UNC13B: variants seen among roughly 807,000 people sequenced by gnomAD.
The protein encoded by UNC13B is unc-13 homolog B.
UNC13B carries 144 observed loss-of-function variants against 211.0 expected under a neutral mutation model. That is an observed-to-expected ratio of 0.68 (90% CI 0.60 to 0.78). The LOEUF is 0.78. UNC13B is among the 30% of genes least tolerant of loss of function. The probability of loss-of-function intolerance (pLI) is 0.00; values close to 1 mark genes in which losing one functional copy is unlikely to be tolerated. For synonymous variants in UNC13B, 709 were observed against 725.8 expected, an observed-to-expected ratio of 0.98 and a Z score of 0.37; for missense variants, 1,777 against 2,002.0, an observed-to-expected ratio of 0.89 and a Z score of 2.14.
intron 1 of UNC13B, among the ~76,000 whole-genome samples, chr9:35,211,400 A>C (rs1272663273): frequency 6.6e-6 from 1 of 152,118 alleles, no homozygotes; most frequent in East Asian, 1.9e-4. Context: ...TTTTACATTC[A>C]TGTATTTTGG....
intron 11 of UNC13B, among the ~76,000 whole-genome samples, chr9:35,317,616 A>G (rs1830527381): frequency 1.4e-5 from 2 of 144,776 alleles, no homozygotes; most frequent in South Asian, 4.5e-4. Flanking sequence ...TCCGCCTCCC[A>G]GGTTCAAGCA....
chr9:35,364,300 CCT>C lies in UNC13B; in HGVS notation c.9415-2646_9415-2645del, dbSNP rs1221763826. 3.3e-5 allele frequency among the ~76,000 whole-genome samples: 5 copies of C among 151,944 alleles called. 1 individual carries two copies. The highest frequency in any genetic ancestry group is 1.2e-4 in the African/African-American group (5 of 41,272). On this transcript the variant is annotated intron_variant, in intron 11 of 39. Transcript: ENST00000635942. ...CTGGAACCCCTGGGTAGATTTTGTCCCTTGATTTAGTTTGGAACATCTCCAGG... is the reference window on the plus strand; with the variant it reads ...CTGGAACCCCTGGGTAGATTTTGTCCTGATTTAGTTTGGAACATCTCCAGG...
chr9:35,289,601 T>TGAGG (rs1197408779), intron 7 of UNC13B, among the ~76,000 whole-genome samples: 1 of 152,338 alleles, frequency 6.6e-6, no homozygotes, highest in African/African-American at 2.4e-5. Flanking sequence ...ATATTACAGA[T>TGAGG]GAGGAAATAT....
intron 11 of UNC13B, among the ~76,000 whole-genome samples, chr9:35,321,320 A>T (rs1445329670): frequency 2.0e-5 from 3 of 152,144 alleles, no homozygotes; most frequent in Non-Finnish European, 4.4e-5. Context: ...TTCCAGGCTC[A>T]AGTGATCCTC....
chr9:35,394,949 T>G (rs1835776804), intron 26 of UNC13B, among the ~76,000 whole-genome samples: 1 of 152,190 alleles, frequency 6.6e-6, no homozygotes, highest in African/African-American at 2.4e-5. Flanking sequence ...AAATTATATG[T>G]AGAAACAGTA....
chr9:35,389,855 C>T lies in UNC13B; in HGVS notation c.11104C>T (p.Leu3702=). 6.2e-7 allele frequency: 1 copy of T among 1,614,110 alleles called. No individual in the cohort carries two copies. The highest frequency in any genetic ancestry group is 8.5e-7 in the Non-Finnish European group (1 of 1,179,970). ...TGTCCTCTGGATCAAGAAGCAGGAGCTACCTCCAGAGGAACAAGGGCCCAG... is the reference window on the plus strand; with the variant it reads ...TGTCCTCTGGATCAAGAAGCAGGAGTTACCTCCAGAGGAACAAGGGCCCAG... The part of the protein sequence containing the change: ...YSRQYQLKQE[L]PPEEQGPSIR... The change falls in exon 25 of 40, where the codon CTA becomes TTA. Residue 3702 remains leucine (L), a synonymous_variant. Coordinates refer to ENST00000635942, the MANE Select transcript of UNC13B (RefSeq NM_001371189.2).
At chr9:35,221,900 G>A (rs1262849567) in intron 1 of UNC13B, among the ~76,000 whole-genome samples, 3 of 152,146 alleles carry the variant, frequency 2.0e-5, no homozygotes, top group Non-Finnish European at 4.4e-5. Flanking sequence ...CAGTACCATT[G>A]TTAAAAAGAT....
At chr9:35,398,348 T>C (rs932404092) in intron 31 of UNC13B, 60 bp downstream of exon 31, 1 of 1,555,912 alleles carries the variant, frequency 6.4e-7, no homozygotes, top group East Asian at 2.3e-5. Context: ...TCCTTGGCCA[T>C]AGAACTCCAC....
chr9:35,259,018 G>A lies in UNC13B; in HGVS notation c.494G>A (p.Arg165Lys), dbSNP rs925781049. Residue 165 changes from arginine to lysine, a missense_variant, in exon 7 of 40, where the codon AGG becomes AAG. Transcript: ENST00000635942. ...TATTCTAGTCAAGAAGAAAGCCAGA[G>A]GAAGCCATTGCCCACTGCTGCCGCC... ...NEYSSQEESQRKPLPTAAAQC... is the reference protein window; with the variant it reads ...NEYSSQEESQKKPLPTAAAQC... 1.2e-6 allele frequency: 2 copies of A among 1,613,724 alleles called. No homozygotes were observed. Among genetic ancestry groups the A allele is most frequent in the Non-Finnish European group, 1.7e-6 (2 of 1,179,908 alleles).
At chr9:35,380,017 A>C (rs1834712965) in intron 17 of UNC13B, among the ~76,000 whole-genome samples, 1 of 152,168 alleles carries the variant, frequency 6.6e-6, no homozygotes, top group African/African-American at 2.4e-5. Context: ...TGAGAGAGTT[A>C]GATAGAAAGC....
chr9:35,397,716 G>A lies in UNC13B; in HGVS notation c.11754+4G>A. 1 of 1,613,960 alleles carries A rather than the reference G, an allele frequency of 6.2e-7. No individual in the cohort carries two copies. Among genetic ancestry groups the A allele is most frequent in the Non-Finnish European group, 8.5e-7 (1 of 1,179,954 alleles). ...CTATTGCACAAAGGAGAAACTGGTAGGTTCAGGCCCTGGGACTCTTACAGA... is the reference window on the plus strand; with the variant it reads ...CTATTGCACAAAGGAGAAACTGGTAAGTTCAGGCCCTGGGACTCTTACAGA... On this transcript the variant is annotated splice_donor_region_variant and intron_variant, in intron 30 of 39. Coordinates refer to ENST00000635942, the MANE Select transcript of UNC13B (RefSeq NM_001371189.2).
At chr9:35,352,289 A>G (rs935116516) in intron 11 of UNC13B, 15 of 1,232,050 alleles carry the variant, frequency 1.2e-5, no homozygotes, top group Non-Finnish European at 1.5e-5. Flanking sequence ...GCAGTGCAAC[A>G]GGTACATTAA....
At chr9:35,232,177 C>CCTTTTTTTTTT (rs1825241825) in intron 3 of UNC13B, among the ~76,000 whole-genome samples, 1 of 31,536 alleles carries the variant, frequency 3.2e-5, no homozygotes, top group African/African-American at 1.2e-4. Context: ...TATATTGCTG[C>CCTTTTTTTTTT]TTTTTTTTTT....
intron 11 of UNC13B, among the ~76,000 whole-genome samples, chr9:35,328,545 C>G (rs553580542): frequency 6.6e-6 from 1 of 152,120 alleles, no homozygotes; most frequent in South Asian, 2.1e-4. Context: ...CCAAAGTTTC[C>G]CTACAAAGGA....
Position 35,335,372 on chromosome 9 carries a change from C to T in UNC13B, c.9414+21383C>T, listed in dbSNP as rs1237325199. On this transcript the variant is annotated intron_variant, in intron 11 of 39. Coordinates refer to ENST00000635942, the MANE Select transcript of UNC13B (RefSeq NM_001371189.2). ...TGGCATGTTGCATTCTTCCTGTGGA[C>T]AATGCAGCTGCTATTTACCACTATG... Among the ~76,000 whole-genome samples the T allele has an allele frequency of 2.6e-5, 4 of 152,326 alleles. No homozygotes were observed. In the East Asian group the frequency reaches 7.7e-4, roughly 29 times the overall value.
rs377405962 is a variant in UNC13B, at chr9:35,389,840, A to G, written c.11095-6A>G. The G allele has an allele frequency of 6.1e-5, 98 of 1,613,916 alleles. No individual in the cohort carries two copies. In the African/African-American group the frequency reaches 1.2e-3, roughly 20 times the overall value. On this transcript the variant is annotated splice_polypyrimidine_tract_variant and splice_region_variant and intron_variant, in intron 24 of 39. Transcript: ENST00000635942. ...CCCTCTCTCTCACTGTGTCCTCTGG[A>G]TCAAGAAGCAGGAGCTACCTCCAGA... is the stretch of plus-strand genomic sequence containing the variant.
At chr9:35,180,428 G>T (rs1821871017) in intron 1 of UNC13B, among the ~76,000 whole-genome samples, 1 of 152,008 alleles carries the variant, frequency 6.6e-6, no homozygotes, top group African/African-American at 2.4e-5. Flanking sequence ...TGCTTTGCAA[G>T]TTTAGTTTTG....
At chr9:35,298,753 C>T (rs1467201258) in intron 8 of UNC13B, among the ~76,000 whole-genome samples, 1 of 152,184 alleles carries the variant, frequency 6.6e-6, no homozygotes, top group Non-Finnish European at 1.5e-5. Context: ...CTTTCTCCAT[C>T]CCTACCTTGG....
intron 7 of UNC13B, among the ~76,000 whole-genome samples, chr9:35,271,668 A>G (rs1243220122): frequency 6.6e-6 from 1 of 152,218 alleles, no homozygotes. Context: ...GTAGCAACAC[A>G]CCATGTTGCC....
Sources: allele counts gnomAD v4.1 joint callset (sites outside exome capture counted in the v4.1 genomes callset), GRCh38; gene constraint gnomAD v4.1.1; transcripts MANE v1.5; gene names NCBI Gene and HGNC (gene_info 2026-07-23, HGNC 2026-07-21).